The following MGST1 variants were observed in gnomAD, a reference collection of about 807,000 sequenced individuals.
The protein encoded by MGST1 is microsomal glutathione S-transferase 1.
Under a neutral mutation model 8.9 loss-of-function variants are expected in MGST1, and 5 were observed. The observed-to-expected ratio is 0.56, with a 90% CI of 0.29 to 1.19. The LOEUF (loss-of-function observed/expected upper bound fraction) is 1.19, where lower values mean the gene tolerates loss of function less well. Ranked by LOEUF, MGST1 falls within the 50% of genes most tolerant of loss-of-function variation. The probability of loss-of-function intolerance (pLI) is 0.08; values close to 1 mark genes in which losing one functional copy is unlikely to be tolerated. For missense variants in MGST1, 182 were observed against 187.4 expected, an observed-to-expected ratio of 0.97 and a Z score of 0.17; for synonymous variants, 54 against 67.8, an observed-to-expected ratio of 0.80 and a Z score of 1.00.
chr12:16,566,753 G>C (rs552824541), intron 4 of MGST1, among the ~76,000 whole-genome samples: 1 of 152,172 alleles, frequency 6.6e-6, no homozygotes, highest in South Asian at 2.1e-4. Flanking sequence ...GCCATTTGCT[G>C]AAAGTTCAAC....
At position 16,576,422 on chromosome 12, in the gene MGST1, C is replaced by T. The variant is rs1942997629; in HGVS notation, n.483-13106C>T. ...CTGAGTTCCTACTAAATCTATTCTTCCTGGAAGACTACTGCTGCTTTTTTT... is the reference window on the plus strand; with the variant it reads ...CTGAGTTCCTACTAAATCTATTCTTTCTGGAAGACTACTGCTGCTTTTTTT... On this transcript the variant is annotated intron_variant and non_coding_transcript_variant, in intron 4 of 4. Transcript: ENST00000538857. The surrounding 1 kb of genome is among the most constrained non-coding windows in gnomAD (Gnocchi z 4.1). 6.6e-6 allele frequency among the ~76,000 whole-genome samples: 1 copy of T among 152,216 alleles called. No individual in the cohort carries two copies.
chr12:16,562,238 T>C, intron 4 of MGST1, among the ~76,000 whole-genome samples: 1 of 152,226 alleles, frequency 6.6e-6, no homozygotes, highest in Non-Finnish European at 1.5e-5. Flanking sequence ...GTACTTAACA[T>C]GATCTGCTTA....
intron 3 of MGST1, among the ~76,000 whole-genome samples, chr12:16,371,890 G>A (rs1283392477): frequency 6.6e-6 from 1 of 152,000 alleles, no homozygotes; most frequent in Non-Finnish European, 1.5e-5. Flanking sequence ...CATGAATTTA[G>A]TCAACTCATT....
At chr12:16,462,064 A>G (rs1451361715) in intron 4 of MGST1, among the ~76,000 whole-genome samples, 1 of 152,054 alleles carries the variant, frequency 6.6e-6, no homozygotes, top group Admixed American at 6.6e-5. Flanking sequence ...GAACAGCTGG[A>G]AAAAAAACCT....
At chr12:16,554,406 T>A (rs1942107879) in intron 4 of MGST1, among the ~76,000 whole-genome samples, 3 of 152,224 alleles carry the variant, frequency 2.0e-5, no homozygotes, top group African/African-American at 7.2e-5. Context: ...TATACTTTCC[T>A]ATTCCACATC....
At chr12:16,540,493 A>G (rs575811547) in intron 4 of MGST1, among the ~76,000 whole-genome samples, 2 of 152,346 alleles carry the variant, frequency 1.3e-5, no homozygotes, top group African/African-American at 4.8e-5. Context: ...AGAAAAGAGG[A>G]TGAGATGAAA....
At chr12:16,485,883 A>G (rs1941396324) in intron 4 of MGST1, among the ~76,000 whole-genome samples, 2 of 152,224 alleles carry the variant, frequency 1.3e-5, no homozygotes, top group African/African-American at 4.8e-5. Flanking sequence ...AATTCAAAGA[A>G]GGTAGAAAAA....
At chr12:16,473,325 C>A (rs1161302817) in intron 4 of MGST1, among the ~76,000 whole-genome samples, 1 of 152,064 alleles carries the variant, frequency 6.6e-6, no homozygotes, top group Non-Finnish European at 1.5e-5. Flanking sequence ...GACCAATGCA[C>A]CAATGAAGAA....
intron 1 of MGST1, among the ~76,000 whole-genome samples, chr12:16,404,329 G>A (rs1940682830): frequency 6.6e-6 from 1 of 151,904 alleles, no homozygotes; most frequent in Non-Finnish European, 1.5e-5. Context: ...AAATCATTAT[G>A]TGTTAGATCT....
At chr12:16,488,515 T>TAAGA (rs1358824153) in intron 4 of MGST1, among the ~76,000 whole-genome samples, 1 of 152,200 alleles carries the variant, frequency 6.6e-6, no homozygotes, top group Non-Finnish European at 1.5e-5. Context: ...AGTTTTCAAA[T>TAAGA]GTCAGATCAA....
At chr12:16,419,600 C>T (rs1191781294) in intron 1 of MGST1, among the ~76,000 whole-genome samples, 1 of 152,134 alleles carries the variant, frequency 6.6e-6, no homozygotes, top group East Asian at 1.9e-4. Flanking sequence ...AGAGGTTATT[C>T]TCTAGTTAGT....
intron 4 of MGST1, among the ~76,000 whole-genome samples, chr12:16,562,947 T>C (rs1228433423): frequency 6.6e-6 from 1 of 152,180 alleles, no homozygotes; most frequent in Non-Finnish European, 1.5e-5. Context: ...GGATTCTGCA[T>C]ATGTGATTTT....
chr12:16,351,118 G>A (rs985626802), intron 1 of MGST1, among the ~76,000 whole-genome samples: 8 of 152,116 alleles, frequency 5.3e-5, no homozygotes, highest in Admixed American at 2.0e-4. Context: ...GGCCTATAGA[G>A]AATGTTTTAG....
Position 16,351,163 on chromosome 12 carries a change from T to C in MGST1, c.-22-3068T>C, listed in dbSNP as rs560756183. Among the ~76,000 whole-genome samples, 4 of 152,300 alleles carry C rather than the reference T, an allele frequency of 2.6e-5. No homozygotes were observed. In the Middle Eastern group the frequency reaches 0.01, roughly 389 times the overall value. On this transcript the variant is annotated intron_variant, in intron 1 of 3. Coordinates refer to ENST00000396210, the MANE Select transcript of MGST1 (RefSeq NM_020300.5). ...TATTGTTAAGTAGCAACTTTCTATT[T>C]GATAAACTTACCTTAATTTTAAAAA...
intron 4 of MGST1, among the ~76,000 whole-genome samples, chr12:16,554,638 C>CTTTA (rs1359481463): frequency 6.6e-6 from 1 of 152,140 alleles, no homozygotes; most frequent in Non-Finnish European, 1.5e-5. Context: ...GTTTACCTTA[C>CTTTA]TTTAAGTCCA....
chr12:16,580,730 A>G (rs1227857649), intron 4 of MGST1, among the ~76,000 whole-genome samples: 1 of 152,238 alleles, frequency 6.6e-6, no homozygotes, highest in Non-Finnish European at 1.5e-5. Flanking sequence ...ATGAATAATT[A>G]GAGCAAACAT....
chr12:16,492,725 A>G (rs1941447780), intron 4 of MGST1, among the ~76,000 whole-genome samples: 1 of 152,140 alleles, frequency 6.6e-6, no homozygotes, highest in South Asian at 2.1e-4. Flanking sequence ...CATTAAGGTA[A>G]TTTGAACTTT....
At position 16,582,890 on chromosome 12, in the gene MGST1, TA is replaced by T. The variant is rs1943205038; in HGVS notation, n.483-6631del. 6.6e-6 allele frequency among the ~76,000 whole-genome samples: 1 copy of T among 151,502 alleles called. No individual in the cohort carries two copies. Among genetic ancestry groups the T allele is most frequent in the Non-Finnish European group, 1.5e-5 (1 of 67,844 alleles). On this transcript the variant is annotated intron_variant and non_coding_transcript_variant, in intron 4 of 4. Coordinates refer to the MGST1 transcript ENST00000538857. This position sits in a 1 kb window ranked among gnomAD's most constrained non-coding sequence, Gnocchi z 4.1. ...TGGCGAAACCCCGTCTCTACTAAAA[TA>T]AAAAAATTAGCCGGGAGTGGTGGCA...
chr12:16,507,004 G>C (rs1368706748), intron 4 of MGST1, among the ~76,000 whole-genome samples: 1 of 152,184 alleles, frequency 6.6e-6, no homozygotes, highest in East Asian at 1.9e-4. Context: ...CAATAGAACA[G>C]TGAAAATAAT....
Sources: gnomAD v4.1 joint callset for allele counts (sites outside exome capture counted in the v4.1 genomes callset) on GRCh38, gnomAD v4.1.1 for gene constraint, Gnocchi (gnomAD v3.1) non-coding constraint, MANE v1.5 for transcripts, NCBI Gene and HGNC (gene_info 2026-07-23, HGNC 2026-07-21) for gene names.